BCAS3: variants seen among roughly 807,000 people sequenced by gnomAD.
BCAS3 encodes the protein BCAS3 microtubule associated cell migration factor, also known as BCAS4/BCAS3 fusion.
A neutral mutation model predicts 116.1 loss-of-function variants in BCAS3; 53 were observed. The ratio of observed to expected loss-of-function variants is 0.46; its 90% CI spans 0.37 to 0.57. BCAS3 has a LOEUF of 0.57. Ranked by LOEUF, BCAS3 falls within the 20% of genes least tolerant of loss-of-function variation. The pLI is 0.00. For missense variants in BCAS3, 917 were observed against 1,165.4 expected, an observed-to-expected ratio of 0.79 and a Z score of 3.10; for synonymous variants, 391 against 408.2, an observed-to-expected ratio of 0.96 and a Z score of 0.51.
rs570143376 is a variant in BCAS3, at chr17:60,915,827, T to A, written c.993+5125T>A. Reference sequence around the variant, plus strand: ...CCTCCTGAGTAGCTGGGACTACAGGTGCCCGCCACCACACCTAGCTAATTT... The same window carrying A: ...CCTCCTGAGTAGCTGGGACTACAGGAGCCCGCCACCACACCTAGCTAATTT... On this transcript the variant is annotated intron_variant, in intron 12 of 23. Transcript: ENST00000407086. Among the ~76,000 whole-genome samples the A allele has an allele frequency of 7.8e-3, 1,186 of 151,708 alleles. 5 individuals are homozygous for A. Among genetic ancestry groups the A allele is most frequent in the Non-Finnish European group, 0.011 (714 of 67,934 alleles).
chr17:61,055,210 C>T (rs1422559577), intron 19 of BCAS3, among the ~76,000 whole-genome samples: 1 of 152,168 alleles, frequency 6.6e-6, no homozygotes, highest in African/African-American at 2.4e-5. Flanking sequence ...GTTGATGTGG[C>T]ATCACTTCCA....
At chr17:60,986,818 A>T (rs575894666) in intron 14 of BCAS3, 2 of 152,070 alleles carry the variant, frequency 1.3e-5, no homozygotes, top group African/African-American at 4.8e-5. Context: ...TTGCTGTTCA[A>T]AATCTTTTTT....
At chr17:60,913,256 A>G (rs1189271955) in intron 12 of BCAS3, among the ~76,000 whole-genome samples, 2 of 152,096 alleles carry the variant, frequency 1.3e-5, no homozygotes, top group Non-Finnish European at 2.9e-5. Context: ...TCAACATGGA[A>G]CATTCTACCT....
chr17:61,367,814 T>A lies in BCAS3; in HGVS notation c.2426-513T>A, dbSNP rs1024427256. The A allele has an allele frequency of 6.6e-6, 1 of 152,168 alleles. No individual in the cohort carries two copies. Among genetic ancestry groups the A allele is most frequent in the African/African-American group, 2.4e-5 (1 of 41,426 alleles). 9.4% of individuals were successfully genotyped at this position (152,168 alleles called of 1,614,324 possible). On this transcript the variant is annotated intron_variant, in intron 22 of 23. Transcript: ENST00000407086. The surrounding 1 kb of genome is among the most constrained non-coding windows in gnomAD (Gnocchi z 6.2). ...TTAAATGAAAATTTATTTATTTATTTATTTATTTATTTGTAGAGACAGGGT... is the reference window on the plus strand; with the variant it reads ...TTAAATGAAAATTTATTTATTTATTAATTTATTTATTTGTAGAGACAGGGT...
intron 6 of BCAS3, among the ~76,000 whole-genome samples, chr17:60,800,412 T>C (rs573562608): frequency 2.6e-5 from 4 of 152,352 alleles, no homozygotes; most frequent in Admixed American, 2.6e-4. Context: ...GAAGTATCTC[T>C]TAATGTCTTT....
At chr17:60,909,566 C>T (rs148952084) in intron 11 of BCAS3, among the ~76,000 whole-genome samples, 1,813 of 151,988 alleles carry the variant, frequency 0.012, 15 homozygotes, top group Non-Finnish European at 0.018. Context: ...TTCTAGGGTG[C>T]CTGTTTTTGT....
chr17:61,211,316 T>C lies in BCAS3; in HGVS notation c.2425+126752T>C, dbSNP rs916189367. On this transcript the variant is annotated intron_variant, in intron 22 of 23. Transcript: ENST00000407086. This position sits in a 1 kb window ranked among gnomAD's most constrained non-coding sequence, Gnocchi z 4.4. ...GACTGTATTTGTGATCTGTAAGACT[T>C]TTCAAACACAGGTTTAAACATCCAG... Among the ~76,000 whole-genome samples, 4 of 152,168 alleles carry C rather than the reference T, an allele frequency of 2.6e-5. No individual in the cohort carries two copies. Among genetic ancestry groups the C allele is most frequent in the South Asian group, 4.1e-4 (2 of 4,826 alleles).
chr17:60,734,629 C>G (rs1374200067), intron 5 of BCAS3, among the ~76,000 whole-genome samples: 1 of 152,186 alleles, frequency 6.6e-6, no homozygotes, highest in African/African-American at 2.4e-5. Context: ...TGTCAAAGAT[C>G]AATTGACTGT....
intron 5 of BCAS3, among the ~76,000 whole-genome samples, chr17:60,726,355 C>T (rs1011334396): frequency 2.0e-5 from 3 of 148,850 alleles, no homozygotes; most frequent in African/African-American, 7.5e-5. Flanking sequence ...CATGCACCAC[C>T]ACTCTTGGCT....
chr17:61,374,534 G>A (rs915959748), intron 23 of BCAS3, among the ~76,000 whole-genome samples: 3 of 152,170 alleles, frequency 2.0e-5, no homozygotes, highest in African/African-American at 4.8e-5. Flanking sequence ...TCTGTTCCCC[G>A]TGACTGTTCC....
At chr17:61,066,710 C>G (rs2070661507) in intron 19 of BCAS3, among the ~76,000 whole-genome samples, 1 of 152,096 alleles carries the variant, frequency 6.6e-6, no homozygotes, top group East Asian at 1.9e-4. Context: ...AGCTGTTTCT[C>G]TGGGGATATT....
chr17:60,923,831 T>C (rs1172084433), intron 12 of BCAS3, among the ~76,000 whole-genome samples: 1 of 152,216 alleles, frequency 6.6e-6, no homozygotes, highest in Non-Finnish European at 1.5e-5. Context: ...TCTGCTTTTA[T>C]GATTTCATAG....
intron 23 of BCAS3, among the ~76,000 whole-genome samples, chr17:61,369,420 A>G (rs1442412341): frequency 6.6e-6 from 1 of 152,200 alleles, no homozygotes; most frequent in African/African-American, 2.4e-5. Context: ...AAAGAACCCC[A>G]GTAAGGAGAA....
chr17:60,689,129 G>C (rs2034473708), intron 3 of BCAS3: 1 of 152,250 alleles, frequency 6.6e-6, no homozygotes, highest in Non-Finnish European at 1.5e-5. Flanking sequence ...TTGAATTATA[G>C]TAATGCTTCA....
intron 12 of BCAS3, among the ~76,000 whole-genome samples, chr17:60,922,391 C>T (rs1285688992): frequency 1.3e-5 from 2 of 152,140 alleles, no homozygotes. Context: ...TCCCAAAGTG[C>T]TGGGATTACA....
chr17:60,954,550 C>T (rs1399158460), intron 14 of BCAS3, among the ~76,000 whole-genome samples: 4 of 152,114 alleles, frequency 2.6e-5, no homozygotes, highest in Admixed American at 1.3e-4. Flanking sequence ...TAAGCTATCA[C>T]CATTTAACAT....
intron 5 of BCAS3, among the ~76,000 whole-genome samples, chr17:60,715,396 C>T (rs974934806): frequency 6.6e-6 from 1 of 151,072 alleles, no homozygotes; most frequent in African/African-American, 2.5e-5. Context: ...CTAGACCTCC[C>T]AACGTGTATA....
rs1475044010 is a variant in BCAS3, at chr17:61,026,366, A to C, written c.1638-8300A>C. Among the ~76,000 whole-genome samples, 1 of 152,066 alleles carries C rather than the reference A, an allele frequency of 6.6e-6. No homozygotes were observed. Among genetic ancestry groups the C allele is most frequent in the Non-Finnish European group, 1.5e-5 (1 of 67,946 alleles). ...AACAATATACAATTCAACTTACGAC[A>C]AATAAGCAGCTTGAAAAATATGTGC... On this transcript the variant is annotated intron_variant, in intron 16 of 23. Transcript: ENST00000407086. This position sits in a 1 kb window ranked among gnomAD's most constrained non-coding sequence, Gnocchi z 5.0.
chr17:60,996,371 C>A (rs1170094732), intron 15 of BCAS3, among the ~76,000 whole-genome samples: 1 of 152,062 alleles, frequency 6.6e-6, no homozygotes, highest in East Asian at 1.9e-4. Flanking sequence ...TCATTGGATT[C>A]TTGATATATT....
Sources: gnomAD v4.1 joint callset for allele counts (sites outside exome capture counted in the v4.1 genomes callset) on GRCh38, gnomAD v4.1.1 for gene constraint, Gnocchi (gnomAD v3.1) non-coding constraint, MANE v1.5 for transcripts, NCBI Gene and HGNC (gene_info 2026-07-23, HGNC 2026-07-21) for gene names.